NDUFAF2: variants seen among roughly 807,000 people sequenced by gnomAD.
NDUFAF2 encodes NADH:ubiquinone oxidoreductase complex assembly factor 2, also known as NADH dehydrogenase [ubiquinone] 1 alpha subcomplex assembly factor 2.
Under a neutral mutation model 22.8 loss-of-function variants are expected in NDUFAF2, and 13 were observed. The observed-to-expected ratio is 0.57, with a 90% CI of 0.37 to 0.91. The LOEUF (loss-of-function observed/expected upper bound fraction) is 0.91, where lower values mean the gene tolerates loss of function less well. Among genes scored for constraint, NDUFAF2 ranks in the 40% least tolerant of loss-of-function variants. The pLI is 0.01. For missense variants in NDUFAF2, 162 were observed against 195.2 expected, an observed-to-expected ratio of 0.83 and a Z score of 1.01; for synonymous variants, 53 against 64.2, an observed-to-expected ratio of 0.83 and a Z score of 0.84.
intron 2 of NDUFAF2, among the ~76,000 whole-genome samples, chr5:61,083,528 A>G (rs58831992): frequency 4.9e-4 from 75 of 152,100 alleles, no homozygotes; most frequent in African/African-American, 1.6e-3. Flanking sequence ...CTAATTTTCT[A>G]TTTTTAGTGG....
At chr5:61,031,700 C>T (rs560556247) in intron 1 of NDUFAF2, among the ~76,000 whole-genome samples, 64 of 152,214 alleles carry the variant, frequency 4.2e-4, no homozygotes, top group African/African-American at 1.5e-3. Context: ...GTGCATGTGT[C>T]TTTATAGTAG....
intron 1 of NDUFAF2, among the ~76,000 whole-genome samples, chr5:61,049,486 C>A (rs540258104): frequency 6.6e-6 from 1 of 152,046 alleles, no homozygotes; most frequent in African/African-American, 2.4e-5. Context: ...TTAATCATTT[C>A]TTAGGCTGTA....
chr5:61,048,584 T>C (rs1751984451), intron 1 of NDUFAF2, among the ~76,000 whole-genome samples: 1 of 152,146 alleles, frequency 6.6e-6, no homozygotes, highest in South Asian at 2.1e-4. Context: ...GAGAGGTTAG[T>C]GTTGTCAGAA....
chr5:61,082,096 A>C (rs1047920302), intron 2 of NDUFAF2, among the ~76,000 whole-genome samples: 1 of 152,340 alleles, frequency 6.6e-6, no homozygotes, highest in East Asian at 1.9e-4. Flanking sequence ...TCAGCAGTAA[A>C]TGACCCACTT....
chr5:61,048,681 A>C (rs1221281059), intron 1 of NDUFAF2, among the ~76,000 whole-genome samples: 2 of 152,150 alleles, frequency 1.3e-5, no homozygotes, highest in Non-Finnish European at 2.9e-5. Flanking sequence ...TCTTAATCCT[A>C]ACATCCAAAT....
intron 3 of NDUFAF2, among the ~76,000 whole-genome samples, chr5:61,137,428 T>G (rs1455566476): frequency 6.6e-6 from 1 of 152,198 alleles, no homozygotes; most frequent in Non-Finnish European, 1.5e-5. Flanking sequence ...ACATAAATAA[T>G]AAGGATTATG....
intron 1 of NDUFAF2, among the ~76,000 whole-genome samples, chr5:61,033,881 T>G (rs948287888): frequency 3.9e-5 from 6 of 152,172 alleles, no homozygotes; most frequent in African/African-American, 1.4e-4. Flanking sequence ...AAACTATACA[T>G]AAATAAATAC....
chr5:60,963,440 A>G (rs1023444496), intron 1 of NDUFAF2, among the ~76,000 whole-genome samples: 6 of 152,196 alleles, frequency 3.9e-5, no homozygotes, highest in Admixed American at 6.5e-5. Flanking sequence ...TTCATCTCTC[A>G]TCTAGAATTC....
At chr5:61,040,589 C>G (rs1471187064) in intron 1 of NDUFAF2, among the ~76,000 whole-genome samples, 3 of 151,840 alleles carry the variant, frequency 2.0e-5, no homozygotes, top group African/African-American at 7.3e-5. Flanking sequence ...AAATTTCTAT[C>G]ATTTACTAAG....
chr5:61,060,084 G>A (rs1752145195), intron 1 of NDUFAF2, among the ~76,000 whole-genome samples: 1 of 152,016 alleles, frequency 6.6e-6, no homozygotes, highest in Non-Finnish European at 1.5e-5. Flanking sequence ...GTGAACATTT[G>A]GATAAGTTAA....
At chr5:60,974,374 T>C (rs564334246) in intron 1 of NDUFAF2, among the ~76,000 whole-genome samples, 22 of 152,336 alleles carry the variant, frequency 1.4e-4, no homozygotes, top group African/African-American at 5.0e-4. Context: ...GTTTTTCTGC[T>C]TTTAAAGTTT....
At chr5:61,044,302 T>C (rs1279537776) in intron 1 of NDUFAF2, among the ~76,000 whole-genome samples, 1 of 152,140 alleles carries the variant, frequency 6.6e-6, no homozygotes, top group Non-Finnish European at 1.5e-5. Flanking sequence ...CTCTAGGTTG[T>C]ATCTTCACTC....
chr5:60,996,758 C>T (rs1751233852), intron 1 of NDUFAF2, among the ~76,000 whole-genome samples: 3 of 152,136 alleles, frequency 2.0e-5, no homozygotes, highest in Non-Finnish European at 4.4e-5. Context: ...TTGATGTTCC[C>T]TCTGTAGGCG....
At chr5:60,991,706 G>A (rs1751160328) in intron 1 of NDUFAF2, among the ~76,000 whole-genome samples, 1 of 151,520 alleles carries the variant, frequency 6.6e-6, no homozygotes, top group African/African-American at 2.4e-5. Context: ...ATCTGTTAAT[G>A]TACATTTAGG....
At chr5:61,077,979 C>T (rs1230935826) in intron 2 of NDUFAF2, among the ~76,000 whole-genome samples, 3 of 152,184 alleles carry the variant, frequency 2.0e-5, no homozygotes, top group Non-Finnish European at 4.4e-5. Flanking sequence ...CAATATTATA[C>T]TGCCTACATC....
At chr5:61,084,344 A>G (rs1278211999) in intron 2 of NDUFAF2, among the ~76,000 whole-genome samples, 1 of 149,054 alleles carries the variant, frequency 6.7e-6, no homozygotes. Flanking sequence ...CATTTTAGCC[A>G]TTTTTAAGTA....
At chr5:60,953,440 A>G (rs1750573980) in intron 1 of NDUFAF2, among the ~76,000 whole-genome samples, 1 of 152,198 alleles carries the variant, frequency 6.6e-6, no homozygotes, top group Admixed American at 6.5e-5. Context: ...AGAATTCATT[A>G]CACAGAGACC....
chr5:61,023,105 T>C (rs1336008698), intron 1 of NDUFAF2, among the ~76,000 whole-genome samples: 2 of 152,152 alleles, frequency 1.3e-5, no homozygotes, highest in African/African-American at 2.4e-5. Context: ...AAATAGGTGT[T>C]CCCCCCTTCT....
intron 1 of NDUFAF2, among the ~76,000 whole-genome samples, chr5:61,043,689 G>T (rs1751910657): frequency 6.8e-6 from 1 of 148,100 alleles, no homozygotes; most frequent in Non-Finnish European, 1.5e-5. Flanking sequence ...ATGTGTGTGT[G>T]TGTGTGTGTG....
Sources: allele counts gnomAD v4.1 joint callset (sites outside exome capture counted in the v4.1 genomes callset), GRCh38; gene constraint gnomAD v4.1.1; transcripts MANE v1.5; gene names NCBI Gene and HGNC (gene_info 2026-07-23, HGNC 2026-07-21).